Variants in SNTG2 observed in about 807,000 individuals in gnomAD.
The protein encoded by SNTG2 is syntrophin gamma 2.
In SNTG2, 74 loss-of-function variants were observed where a neutral mutation model predicts 70.9. That is an observed-to-expected ratio of 1.04 (90% CI 0.86 to 1.27). The LOEUF is 1.27. SNTG2 is among the 50% of genes most tolerant of loss of function. The probability of loss-of-function intolerance (pLI) is 0.00; values close to 1 mark genes in which losing one functional copy is unlikely to be tolerated. For synonymous variants in SNTG2, 278 were observed against 273.8 expected (o/e 1.02, Z -0.15); for missense variants, 717 against 690.7 (o/e 1.04, Z -0.43).
chr2:1,159,970 G>A (rs1367718745), intron 6 of SNTG2, among the ~76,000 whole-genome samples: 3 of 152,280 alleles, frequency 2.0e-5, no homozygotes, highest in East Asian at 1.9e-4. Context: ...TTTGTAAAAC[G>A]GAACACTGCG....
At chr2:1,239,857 G>GA (rs1376717775) in intron 11 of SNTG2, 81 bp downstream of exon 11, 1 of 1,511,738 alleles carries the variant, frequency 6.6e-7, no homozygotes, top group Non-Finnish European at 9.1e-7. Flanking sequence ...AACACATCTC[G>GA]AAAAGCAGTC....
intron 8 of SNTG2, among the ~76,000 whole-genome samples, chr2:1,175,445 C>T (rs1237920376): frequency 6.6e-6 from 1 of 152,146 alleles, no homozygotes; most frequent in African/African-American, 2.4e-5. Flanking sequence ...ATTTCAATAG[C>T]TCTTGATCCA....
intron 14 of SNTG2, among the ~76,000 whole-genome samples, chr2:1,298,474 C>T (rs1037962825): frequency 3.9e-5 from 6 of 152,182 alleles, no homozygotes; most frequent in African/African-American, 1.4e-4. Flanking sequence ...AAACAGAAGA[C>T]AGGCCAAAGT....
At chr2:1,162,345 C>G (rs1670371651) in intron 6 of SNTG2, among the ~76,000 whole-genome samples, 1 of 152,162 alleles carries the variant, frequency 6.6e-6, no homozygotes, top group Admixed American at 6.5e-5. Context: ...GGCACACTGG[C>G]TGGGCGACAG....
intron 1 of SNTG2, among the ~76,000 whole-genome samples, chr2:1,044,138 C>G (rs566040255): frequency 2.6e-5 from 4 of 152,032 alleles, no homozygotes; most frequent in South Asian, 2.1e-4. Context: ...GCTGCCCCCC[C>G]ACCCCGGTTA....
chr2:1,242,129 G>A (rs1474811775), intron 11 of SNTG2, among the ~76,000 whole-genome samples: 7 of 152,072 alleles, frequency 4.6e-5, no homozygotes, highest in Admixed American at 2.0e-4. Context: ...TGCTATATCC[G>A]GATGCGCTTT....
chr2:1,187,254 G>T (rs543605669), intron 8 of SNTG2, among the ~76,000 whole-genome samples: 33 of 152,324 alleles, frequency 2.2e-4, no homozygotes, highest in Admixed American at 1.7e-3. Context: ...CTAGGACGTG[G>T]TACCCAGATA....
intron 1 of SNTG2, among the ~76,000 whole-genome samples, chr2:990,244 G>A (rs916234221): frequency 3.9e-5 from 6 of 152,316 alleles, no homozygotes; most frequent in East Asian, 1.9e-4. Context: ...CTCTGGAGCC[G>A]CCTCAGAGAG....
At chr2:1,000,631 T>G (rs1421061575) in intron 1 of SNTG2, among the ~76,000 whole-genome samples, 2 of 151,516 alleles carry the variant, frequency 1.3e-5, no homozygotes, top group Non-Finnish European at 3.0e-5. Context: ...TGATTTAAAA[T>G]TCTAACCAAA....
intron 1 of SNTG2, among the ~76,000 whole-genome samples, chr2:1,036,419 G>C (rs1280980534): frequency 6.6e-6 from 1 of 151,978 alleles, no homozygotes; most frequent in African/African-American, 2.4e-5. Flanking sequence ...GAGTCTAAAA[G>C]TGACTCTGAT....
Position 1,069,955 on chromosome 2 carries a change from C to T in SNTG2, c.73-13563C>T, listed in dbSNP as rs188207247. Among the ~76,000 whole-genome samples, 8 of 152,240 alleles carry T rather than the reference C, an allele frequency of 5.3e-5. No homozygotes were observed. The East Asian group carries it at 7.7e-4, about 15-fold the overall frequency. Reference sequence around the variant, plus strand: ...CTCCTCACCGCCTAGGTTCCCTGGACGCTCGTTCCCACAGCCACTGTTTCT... The same window carrying T: ...CTCCTCACCGCCTAGGTTCCCTGGATGCTCGTTCCCACAGCCACTGTTTCT... On this transcript the variant is annotated intron_variant, in intron 1 of 16. Transcript: ENST00000308624.
chr2:953,940 C>G lies in SNTG2; in HGVS notation c.72+2872C>G, dbSNP rs140952585. On this transcript the variant is annotated intron_variant, in intron 1 of 16. Coordinates refer to ENST00000308624, the MANE Select transcript of SNTG2 (RefSeq NM_018968.4). ...GCTTCTCAAGATACCCCATGAGGCT[C>G]TGAGTGAGTTGGCAGAGGGGCTGGC... Among the ~76,000 whole-genome samples the G allele has an allele frequency of 2.2e-3, 338 of 151,174 alleles. 2 individuals carry two copies. Among genetic ancestry groups the G allele is most frequent in the African/African-American group, 7.9e-3 (327 of 41,212 alleles).
chr2:1,312,744 TCACAA>T (rs1468437230), intron 15 of SNTG2, among the ~76,000 whole-genome samples: 14 of 152,224 alleles, frequency 9.2e-5, no homozygotes, highest in Non-Finnish European at 8.8e-5. Flanking sequence ...GTGCAGACTC[TCACAA>T]GAGTGTCCTG....
intron 14 of SNTG2, among the ~76,000 whole-genome samples, chr2:1,289,923 A>G (rs1679922541): frequency 6.6e-6 from 1 of 152,186 alleles, no homozygotes; most frequent in Non-Finnish European, 1.5e-5. Context: ...TTAACTTAGC[A>G]TAATGTTTTC....
intron 1 of SNTG2, among the ~76,000 whole-genome samples, chr2:976,042 G>T (rs986873244): frequency 6.6e-6 from 1 of 152,148 alleles, no homozygotes; most frequent in Non-Finnish European, 1.5e-5. Flanking sequence ...TAGGAACAGG[G>T]TCTCCCACAA....
chr2:1,010,533 G>C (rs1659699343), intron 1 of SNTG2, among the ~76,000 whole-genome samples: 1 of 152,244 alleles, frequency 6.6e-6, no homozygotes, highest in Admixed American at 6.5e-5. Context: ...ACTATAATTA[G>C]AGAAGTTGGA....
In SNTG2 at chr2:1,316,302, G is replaced by A. The variant is rs1246269519; in HGVS notation, c.1415G>A (p.Gly472Glu). 1.3e-6 allele frequency: 2 copies of A among 1,549,666 alleles called. No homozygotes were observed. The highest frequency in any genetic ancestry group is 2.0e-5 in the Admixed American group (1 of 50,908). ...AGATTTAAATTTTCCCAGCTTAAGG[G>A]ATCTTCAGATGATGGGAAAACTCGA... The part of the protein sequence containing the change: ...LWRFKFSQLK[G>E]SSDDGKTRVK... Residue 472 changes from glycine (G) to glutamate (E), a missense_variant, in exon 16 of 17, where the codon GGA becomes GAA. Coordinates refer to ENST00000308624, the MANE Select transcript of SNTG2 (RefSeq NM_018968.4).
intron 12 of SNTG2, among the ~76,000 whole-genome samples, chr2:1,255,919 AATATATAAATATATAAAT>A (rs879353773): frequency 0.43 from 38,552 of 90,204 alleles, 6,709 homozygotes; most frequent in African/African-American, 0.54. Flanking sequence ...TATATATATA[AATATATAAATATATAAAT>A]ATATATATAT....
chr2:1,266,773 CAG>C (rs1186294320), intron 13 of SNTG2, among the ~76,000 whole-genome samples: 7 of 4,424 alleles, frequency 1.6e-3, no homozygotes, highest in Non-Finnish European at 1.8e-3. Context: ...TTTCTTGAGA[CAG>C]GGTTTCCCTC....
Sources: gnomAD v4.1 joint callset for allele counts (sites outside exome capture counted in the v4.1 genomes callset) on GRCh38, gnomAD v4.1.1 for gene constraint, MANE v1.5 for transcripts, NCBI Gene and HGNC (gene_info 2026-07-23, HGNC 2026-07-21) for gene names.